The following ARSJ variants were observed in gnomAD, a reference collection of about 807,000 sequenced individuals.
ARSJ encodes the protein arylsulfatase family member J.
A neutral mutation model predicts 35.9 loss-of-function variants in ARSJ; 26 were observed. That is an observed-to-expected ratio of 0.72 (90% CI 0.53 to 1.00). The LOEUF (loss-of-function observed/expected upper bound fraction) is 1.00. Ranked by LOEUF, ARSJ falls within the 50% of genes least tolerant of loss-of-function variation. The pLI, the probability that ARSJ is intolerant of heterozygous loss-of-function variation, is 0.00. For missense variants in ARSJ, 667 were observed against 723.6 expected, an observed-to-expected ratio of 0.92 and a Z score of 0.90; for synonymous variants, 294 against 267.6, an observed-to-expected ratio of 1.10 and a Z score of -0.96.
intron 1 of ARSJ, among the ~76,000 whole-genome samples, chr4:113,973,555 A>C (rs1361976665): frequency 6.6e-6 from 1 of 152,192 alleles, no homozygotes; most frequent in African/African-American, 2.4e-5. Context: ...GGTGTCTGTT[A>C]AAATTTATGA....
At chr4:113,936,340 T>C (rs926288394) in intron 1 of ARSJ, among the ~76,000 whole-genome samples, 1 of 151,928 alleles carries the variant, frequency 6.6e-6, no homozygotes, top group Non-Finnish European at 1.5e-5. Flanking sequence ...TTGAGCAGGA[T>C]ACTATATGGG....
intron 1 of ARSJ, among the ~76,000 whole-genome samples, chr4:113,961,419 T>A (rs1368231428): frequency 2.0e-5 from 3 of 152,120 alleles, no homozygotes; most frequent in Non-Finnish European, 4.4e-5. Flanking sequence ...AGATGGAGGT[T>A]GGACGTTTTG....
At chr4:113,959,449 T>C (rs1278196642) in intron 1 of ARSJ, among the ~76,000 whole-genome samples, 2 of 152,040 alleles carry the variant, frequency 1.3e-5, no homozygotes, top group African/African-American at 4.8e-5. Flanking sequence ...ATTTGAACTT[T>C]AGGGACATAT....
intron 1 of ARSJ, among the ~76,000 whole-genome samples, chr4:113,944,673 GT>G (rs1725363978): frequency 6.6e-6 from 1 of 152,090 alleles, no homozygotes; most frequent in East Asian, 1.9e-4. Context: ...TGACTAGACT[GT>G]TTTACAGCTT....
At chr4:113,959,558 A>G (rs962138124) in intron 1 of ARSJ, among the ~76,000 whole-genome samples, 6 of 152,064 alleles carry the variant, frequency 3.9e-5, no homozygotes, top group African/African-American at 1.4e-4. Flanking sequence ...TTCATGTCTT[A>G]TCTTTTCTGA....
intron 1 of ARSJ, among the ~76,000 whole-genome samples, chr4:113,967,283 A>G (rs1726954383): frequency 6.6e-6 from 1 of 152,114 alleles, no homozygotes; most frequent in South Asian, 2.1e-4. Context: ...GTCATTTCTG[A>G]TATGGATTCT....
intron 1 of ARSJ, among the ~76,000 whole-genome samples, chr4:113,923,815 A>T (rs72893471): frequency 0.042 from 6,349 of 151,496 alleles, 415 homozygotes; most frequent in African/African-American, 0.14. Flanking sequence ...GAACATTCCT[A>T]CAAAAATAAA....
chr4:113,929,995 C>T (rs979310703), intron 1 of ARSJ, among the ~76,000 whole-genome samples: 1 of 152,042 alleles, frequency 6.6e-6, no homozygotes, highest in Non-Finnish European at 1.5e-5. Flanking sequence ...GTTCTCTATG[C>T]TATTAGAAGT....
intron 1 of ARSJ, among the ~76,000 whole-genome samples, chr4:113,947,516 G>A (rs1725565619): frequency 7.2e-6 from 1 of 138,446 alleles, no homozygotes; most frequent in African/African-American, 2.6e-5. Flanking sequence ...GAAAGAAAGA[G>A]AGAGAGAGGG....
In ARSJ at chr4:113,901,319, C is replaced by G. The variant is rs2099666966; in HGVS notation, c.*955G>C. 1 of 152,140 alleles carries G rather than the reference C, an allele frequency of 6.6e-6. No homozygotes were observed. The highest frequency in any genetic ancestry group is 1.5e-5 in the Non-Finnish European group (1 of 68,010). 9.4% of individuals were successfully genotyped at this position (152,140 alleles called of 1,614,324 possible). A position where few individuals can be genotyped will look rare whatever the true frequency, so the allele number is the denominator to read the frequency against. On this transcript the variant is annotated 3_prime_UTR_variant, in exon 2 of 2. Transcript: ENST00000315366. ...AGGAATATATTCATCTTATTACATT[C>G]AAAATCTTGGTTGAACAATGACGAT...
chr4:113,925,357 C>T (rs1427785190), intron 1 of ARSJ, among the ~76,000 whole-genome samples: 1 of 151,972 alleles, frequency 6.6e-6, no homozygotes, highest in Non-Finnish European at 1.5e-5. Flanking sequence ...GGGGTGATGG[C>T]GAATGGTACC....
chr4:113,964,546 T>C (rs1726767983), intron 1 of ARSJ, among the ~76,000 whole-genome samples: 1 of 152,106 alleles, frequency 6.6e-6, no homozygotes, highest in Non-Finnish European at 1.5e-5. Flanking sequence ...TTAAATAAGC[T>C]TTCAACTGCA....
intron 1 of ARSJ, among the ~76,000 whole-genome samples, chr4:113,960,925 C>CT (rs1310827494): frequency 6.6e-6 from 1 of 152,078 alleles, no homozygotes; most frequent in East Asian, 1.9e-4. Context: ...TGCTGGACTT[C>CT]TTTTCCATCA....
intron 1 of ARSJ, among the ~76,000 whole-genome samples, chr4:113,905,989 A>C (rs2099668643): frequency 6.6e-6 from 1 of 152,126 alleles, no homozygotes; most frequent in African/African-American, 2.4e-5. Context: ...AGGATCCAAA[A>C]CATTCAATTG....
intron 1 of ARSJ, among the ~76,000 whole-genome samples, chr4:113,959,083 A>G (rs1477781174): frequency 6.6e-6 from 1 of 152,046 alleles, no homozygotes; most frequent in South Asian, 2.1e-4. Context: ...TAAAAGCACG[A>G]TAAAATTTAA....
chr4:113,933,535 G>A (rs1297257759), intron 1 of ARSJ, among the ~76,000 whole-genome samples: 1 of 151,758 alleles, frequency 6.6e-6, no homozygotes, highest in Admixed American at 6.6e-5. Context: ...GGGATGCAAG[G>A]ATGGCTCAAA....
At chr4:113,955,181 T>A (rs1726099233) in intron 1 of ARSJ, among the ~76,000 whole-genome samples, 1 of 151,692 alleles carries the variant, frequency 6.6e-6, no homozygotes, top group Non-Finnish European at 1.5e-5. Flanking sequence ...CTGTCAGGAG[T>A]AAACTAAAGC....
chr4:113,937,672 A>T (rs1256746359), intron 1 of ARSJ, among the ~76,000 whole-genome samples: 1 of 152,148 alleles, frequency 6.6e-6, no homozygotes, highest in Non-Finnish European at 1.5e-5. Context: ...ACTTAAGCTG[A>T]TAAGTAACTT....
At chr4:113,937,124 T>G (rs188669073) in intron 1 of ARSJ, among the ~76,000 whole-genome samples, 64 of 152,072 alleles carry the variant, frequency 4.2e-4, no homozygotes, top group African/African-American at 1.5e-3. Context: ...TGGTTGTAAT[T>G]TCAGTGGTAC....
Sources: allele counts gnomAD v4.1 joint callset (sites outside exome capture counted in the v4.1 genomes callset), GRCh38; gene constraint gnomAD v4.1.1; transcripts MANE v1.5; gene names NCBI Gene and HGNC (gene_info 2026-07-23, HGNC 2026-07-21).